Variants in SPAG17 observed in about 807,000 individuals in gnomAD.
SPAG17 encodes the protein sperm associated antigen 17.
In SPAG17, 169 loss-of-function variants were observed where a neutral mutation model predicts 273.6. The observed-to-expected ratio is 0.62, with a 90% CI of 0.55 to 0.70. SPAG17 has a LOEUF of 0.70. Among genes scored for constraint, SPAG17 ranks in the 30% least tolerant of loss-of-function variants. The pLI, the probability that SPAG17 is intolerant of heterozygous loss-of-function variation, is 0.00. For missense variants in SPAG17, 2,557 were observed against 2,627.8 expected, an observed-to-expected ratio of 0.97 and a Z score of 0.59; for synonymous variants, 825 against 873.2, an observed-to-expected ratio of 0.94 and a Z score of 0.97.
In SPAG17 at chr1:118,064,795, T is replaced by C. The variant is rs535512562; in HGVS notation, c.2540+1950A>G. ...AAAAAAAGAAAGATAATAAAAATACTATCAGTCAGATACTTTGAGGTGTTG... is the reference window on the plus strand; with the variant it reads ...AAAAAAAGAAAGATAATAAAAATACCATCAGTCAGATACTTTGAGGTGTTG... On this transcript the variant is annotated intron_variant, in intron 18 of 48. Coordinates refer to ENST00000336338, the MANE Select transcript of SPAG17 (RefSeq NM_206996.4). 9.9e-5 allele frequency among the ~76,000 whole-genome samples: 15 copies of C among 151,700 alleles called. No homozygotes were observed. In the South Asian group the frequency reaches 2.7e-3, roughly 27 times the overall value.
intron 3 of SPAG17, among the ~76,000 whole-genome samples, chr1:118,121,324 T>C (rs1657407153): frequency 6.6e-6 from 1 of 152,148 alleles, no homozygotes; most frequent in Non-Finnish European, 1.5e-5. Flanking sequence ...GACCTATCTA[T>C]GCGTGCCTGT....
At chr1:118,146,303 C>T (rs1319200241) in intron 3 of SPAG17, among the ~76,000 whole-genome samples, 1 of 152,126 alleles carries the variant, frequency 6.6e-6, no homozygotes, top group Non-Finnish European at 1.5e-5. Context: ...CTGATATTTT[C>T]CTTTTTAATT....
At chr1:117,989,082 C>T (rs533602752) in intron 38 of SPAG17, among the ~76,000 whole-genome samples, 3 of 152,234 alleles carry the variant, frequency 2.0e-5, no homozygotes, top group South Asian at 2.1e-4. Context: ...TACAGGGTAG[C>T]GTTGCCAGAT....
intron 10 of SPAG17, among the ~76,000 whole-genome samples, chr1:118,088,265 A>T (rs1655138103): frequency 6.6e-6 from 1 of 152,146 alleles, no homozygotes; most frequent in Non-Finnish European, 1.5e-5. Flanking sequence ...TTCAACATGG[A>T]TCTACTGGTT....
chr1:118,109,509 C>T (rs1977866), intron 4 of SPAG17, among the ~76,000 whole-genome samples: 7,622 of 150,192 alleles, frequency 0.051, 369 homozygotes, highest in East Asian at 0.25. Flanking sequence ...GAGCCGAGAT[C>T]GTGCCACTGT....
At position 118,012,283 on chromosome 1, in the gene SPAG17, T is replaced by C; in HGVS notation, c.4377A>G (p.Thr1459=). Reference sequence around the variant, plus strand: ...GATCTTCATAAACTTGATAAAAGGTTGTGATTCTGGTACCATCAGCATGAT... The same window carrying C: ...GATCTTCATAAACTTGATAAAAGGTCGTGATTCTGGTACCATCAGCATGAT... ...IVDHADGTRI[T]TFYQVYEDQI... Residue 1459 remains threonine, a synonymous_variant, in exon 30 of 49, where the codon ACA becomes ACG. Transcript: ENST00000336338. The C allele has an allele frequency of 1.2e-6, 2 of 1,613,758 alleles. No homozygotes were observed.
Position 118,143,941 on chromosome 1 carries a change from T to C in SPAG17, c.315+6602A>G, listed in dbSNP as rs148446869. Among the ~76,000 whole-genome samples, 1,169 of 152,240 alleles carry C rather than the reference T, an allele frequency of 7.7e-3. 12 individuals carry two copies. The highest frequency in any genetic ancestry group is 0.026 in the African/African-American group (1,100 of 41,538). ...CTGCAGGTCCTAGCCAGCAACCCAG[T>C]CCTTGTGTGGCATGGGCTTCCTGCT... On this transcript the variant is annotated intron_variant, in intron 3 of 48. Coordinates refer to ENST00000336338, the MANE Select transcript of SPAG17 (RefSeq NM_206996.4).
chr1:117,997,644 G>A (rs556380640), intron 32 of SPAG17, among the ~76,000 whole-genome samples: 20 of 151,486 alleles, frequency 1.3e-4, no homozygotes, highest in African/African-American at 4.6e-4. Context: ...TCACAGGCAC[G>A]ATAGTAAATA....
chr1:118,006,144 A>G (rs972378945), intron 31 of SPAG17, among the ~76,000 whole-genome samples: 4 of 152,232 alleles, frequency 2.6e-5, no homozygotes, highest in African/African-American at 7.2e-5. Flanking sequence ...ACCCTTTAAA[A>G]GTGTATAATT....
chr1:118,008,133 T>A lies in SPAG17; in HGVS notation c.4498A>T (p.Thr1500Ser). The A allele has an allele frequency of 6.2e-7, 1 of 1,614,040 alleles. No individual in the cohort carries two copies. Among genetic ancestry groups the A allele is most frequent in the Non-Finnish European group, 8.5e-7 (1 of 1,179,974 alleles). The change falls in exon 31 of 49, where the codon ACT (threonine) becomes TCT (serine). Residue 1500 changes from threonine to serine, a missense_variant. Transcript: ENST00000336338. ...CMRVESSRYA[T>S]VIANCEDSSC... ...CTGTCCTCACAGTTGGCGATAACAG[T>A]GGCATAGCGTGAGCTTTCTACCCGC...
At chr1:117,954,196 C>A (rs914064624) in intron 48 of SPAG17, 147 bp from the exon 49 acceptor site, 24 of 988,954 alleles carry the variant, frequency 2.4e-5, no homozygotes, top group Middle Eastern at 5.2e-4. Context: ...TCAGGATATG[C>A]AATAAATGGA....
chr1:118,012,490 G>T, intron 29 of SPAG17, 118 bp from the exon 30 acceptor site: 2 of 1,185,228 alleles, frequency 1.7e-6, no homozygotes, highest in Non-Finnish European at 2.3e-6. Flanking sequence ...TTATTTATAG[G>T]CAAAGTTTTA....
intron 40 of SPAG17, among the ~76,000 whole-genome samples, chr1:117,985,543 A>G (rs1383707757): frequency 1.3e-5 from 2 of 152,158 alleles, no homozygotes. Flanking sequence ...AAAAGAAGGA[A>G]TCTGAATTCC....
chr1:118,081,298 G>A lies in SPAG17; in HGVS notation c.2012C>T (p.Thr671Ile). The A allele has an allele frequency of 6.2e-7, 1 of 1,613,916 alleles. No homozygotes were observed. Among genetic ancestry groups the A allele is most frequent in the South Asian group, 1.1e-5 (1 of 91,068 alleles). Reference sequence around the variant, plus strand: ...TGACAAATTCTGATCCACAAATAGTGTTCTGTCTTTGATTTTAATATCTAT... The same window carrying A: ...TGACAAATTCTGATCCACAAATAGTATTCTGTCTTTGATTTTAATATCTAT... Reference protein sequence around the residue: ...QKADIKIKDRTLFVDQNLSMS... With the variant: ...QKADIKIKDRILFVDQNLSMS... Residue 671 changes from threonine (T) to isoleucine (I), a missense_variant, in exon 15 of 49, where the codon ACA (threonine) becomes ATA (isoleucine). Coordinates refer to ENST00000336338, the MANE Select transcript of SPAG17 (RefSeq NM_206996.4).
intron 46 of SPAG17, 88 bp downstream of exon 46, chr1:117,969,968 A>G: frequency 8.5e-7 from 1 of 1,173,466 alleles, no homozygotes; most frequent in East Asian, 2.4e-5. Context: ...AATGGGCAGA[A>G]TGGTTTCAAA....
chr1:117,963,715 A>G (rs1453846896), intron 48 of SPAG17, 84 bp downstream of exon 48: 23 of 1,314,158 alleles, frequency 1.8e-5, no homozygotes, highest in South Asian at 2.9e-5. Flanking sequence ...GTTTCTGACT[A>G]TAAGAAGAGG....
intron 4 of SPAG17, among the ~76,000 whole-genome samples, chr1:118,114,484 T>C (rs1048025305): frequency 4.6e-5 from 7 of 152,184 alleles, no homozygotes; most frequent in African/African-American, 7.2e-5. Flanking sequence ...TTCTGTTTTT[T>C]CTTCCGTGAA....
intron 32 of SPAG17, among the ~76,000 whole-genome samples, chr1:118,001,136 G>A (rs564609752): frequency 1.6e-4 from 25 of 152,262 alleles, no homozygotes; most frequent in East Asian, 9.6e-4. Flanking sequence ...AATGGTTTGC[G>A]TATGTTGAAC....
chr1:118,034,432 C>T (rs1245088911), intron 24 of SPAG17, among the ~76,000 whole-genome samples: 1 of 152,210 alleles, frequency 6.6e-6, no homozygotes, highest in Non-Finnish European at 1.5e-5. Context: ...TTTACACATG[C>T]TATTCCTGGT....
Sources: gnomAD v4.1 joint callset for allele counts (sites outside exome capture counted in the v4.1 genomes callset) on GRCh38, gnomAD v4.1.1 for gene constraint, MANE v1.5 for transcripts, NCBI Gene and HGNC (gene_info 2026-07-23, HGNC 2026-07-21) for gene names.